Variants in RRP1B observed in about 807,000 individuals in gnomAD.
RRP1B encodes ribosomal RNA processing 1B.
In RRP1B, 56 loss-of-function variants were observed where a neutral mutation model predicts 80.2. The observed-to-expected ratio is 0.70, with a 90% CI of 0.56 to 0.87. The LOEUF is 0.87. Among genes scored for constraint, RRP1B ranks in the 40% least tolerant of loss-of-function variants. The probability of loss-of-function intolerance (pLI) is 0.00; values close to 1 mark genes in which losing one functional copy is unlikely to be tolerated. For missense variants in RRP1B, 807 were observed against 939.8 expected (o/e 0.86, Z 1.85); for synonymous variants, 351 against 357.6 (o/e 0.98, Z 0.21).
In RRP1B at chr21:43,659,659, G is replaced by A. The variant is rs1044564728; in HGVS notation, c.-6G>A. 2 of 1,502,174 alleles carry A rather than the reference G, an allele frequency of 1.3e-6. No homozygotes were observed. The highest frequency in any genetic ancestry group is 1.8e-6 in the Non-Finnish European group (2 of 1,124,712). 93.1% of individuals were successfully genotyped at this position (1,502,174 alleles called of 1,614,324 possible). ...TTGCGCGGCCGGGGATGCTCCAGCGGGCGCGATGGCCCCCGCCATGCAGCC... is the reference window on the plus strand; with the variant it reads ...TTGCGCGGCCGGGGATGCTCCAGCGAGCGCGATGGCCCCCGCCATGCAGCC... On this transcript the variant is annotated 5_prime_UTR_variant, in exon 1 of 16. Coordinates refer to ENST00000340648, the MANE Select transcript of RRP1B (RefSeq NM_015056.3). This position sits in a 1 kb window ranked among gnomAD's most constrained non-coding sequence, Gnocchi z 4.2.
intron 15 of RRP1B, among the ~76,000 whole-genome samples, chr21:43,692,349 C>CCAA (rs2083090323): frequency 6.6e-6 from 1 of 152,014 alleles, no homozygotes; most frequent in Admixed American, 6.6e-5. Context: ...GCCTGTAATC[C>CCAA]CAACACTTTG....
rs1447470482 is a variant in RRP1B, at chr21:43,676,799, G to A, written c.681G>A (p.Val227=). Residue 227 remains valine (V), a synonymous_variant, in exon 8 of 16, where the codon GTG becomes GTA. Transcript: ENST00000340648. ...FEAIVDQSPF[V]PEETMEEQKT... Reference sequence around the variant, plus strand: ...CTATCGTAGATCAGTCTCCTTTTGTGCCTGAAGAGACGATGGAGGAACAGA... The same window carrying A: ...CTATCGTAGATCAGTCTCCTTTTGTACCTGAAGAGACGATGGAGGAACAGA... 5 of 1,614,246 alleles carry A rather than the reference G, an allele frequency of 3.1e-6. No homozygotes were observed. Among genetic ancestry groups the A allele is most frequent in the Non-Finnish European group, 4.2e-6 (5 of 1,180,034 alleles).
intron 8 of RRP1B, among the ~76,000 whole-genome samples, chr21:43,682,069 C>T (rs1195415851): frequency 6.6e-6 from 1 of 152,146 alleles, no homozygotes; most frequent in African/African-American, 2.4e-5. Flanking sequence ...GAGTTTGAGA[C>T]CAGCTTGGGC....
chr21:43,683,168 C>A, intron 8 of RRP1B, 111 bp from the exon 9 acceptor site: 1 of 827,766 alleles, frequency 1.2e-6, no homozygotes, highest in Non-Finnish European at 1.9e-6. Context: ...CCACCGTGCC[C>A]AACCTTCTTT....
chr21:43,670,702 T>G (rs1380928604), intron 2 of RRP1B, among the ~76,000 whole-genome samples: 6 of 152,128 alleles, frequency 3.9e-5, no homozygotes, highest in African/African-American at 1.4e-4. Context: ...CTCTTCACTA[T>G]TACTAGTGTT....
chr21:43,664,327 CAAAAAAA>C (rs11351123), intron 1 of RRP1B, among the ~76,000 whole-genome samples: 1 of 103,366 alleles, frequency 9.7e-6, no homozygotes, highest in Non-Finnish European at 2.0e-5. Flanking sequence ...AACTCCGTCT[CAAAAAAA>C]AAAAAAAAAA....
intron 2 of RRP1B, among the ~76,000 whole-genome samples, chr21:43,671,473 T>C (rs1316755081): frequency 6.6e-6 from 1 of 151,256 alleles, no homozygotes; most frequent in Non-Finnish European, 1.5e-5. Context: ...GCTCAGCTGA[T>C]CCTCCTGCCT....
chr21:43,665,287 A>G (rs1244361198), intron 1 of RRP1B, among the ~76,000 whole-genome samples: 1 of 152,244 alleles, frequency 6.6e-6, no homozygotes, highest in Non-Finnish European at 1.5e-5. Context: ...CACACACACA[A>G]CTGTGCTTTT....
intron 8 of RRP1B, 148 bp downstream of exon 8, chr21:43,677,062 G>A (rs1176103985): frequency 2.5e-6 from 2 of 789,630 alleles, no homozygotes; most frequent in South Asian, 1.8e-5. Context: ...GGCAGCAGAG[G>A]TGGGTTCATT....
intron 3 of RRP1B, 52 bp from the exon 4 acceptor site, chr21:43,673,818 G>C (rs375740648): frequency 1.7e-5 from 19 of 1,088,208 alleles, no homozygotes; most frequent in Non-Finnish European, 2.1e-5. Flanking sequence ...CTTGCTATAT[G>C]GTAGTATGTT....
intron 14 of RRP1B, 124 bp downstream of exon 14, chr21:43,690,564 G>A: frequency 9.2e-7 from 1 of 1,090,212 alleles, no homozygotes; most frequent in Non-Finnish European, 1.3e-6. Flanking sequence ...TGTCCACAGT[G>A]GACAGGTTCC....
Position 43,685,740 on chromosome 21 carries a change from ATTTTTTATTTTTTAT to A in RRP1B, c.990-17_990-3del, listed in dbSNP as rs1568959566. Reference sequence around the variant, plus strand: ...CTTTATGAACATTTGTTATTTTTTTATTTTTTATTTTTTATTTTTTTATTTTTAGATTCCAAGACC... The same window carrying A: ...CTTTATGAACATTTGTTATTTTTTTATTTTTTATTTTTAGATTCCAAGACC... On this transcript the variant is annotated splice_polypyrimidine_tract_variant and intron_variant, in intron 10 of 15. Transcript: ENST00000340648. The A allele has an allele frequency of 2.1e-6, 3 of 1,404,164 alleles. No individual in the cohort carries two copies. Among genetic ancestry groups the A allele is most frequent in the Non-Finnish European group, 2.8e-6 (3 of 1,055,306 alleles). 87.0% of individuals were successfully genotyped at this position (1,404,164 alleles called of 1,614,324 possible). A position where few individuals can be genotyped will look rare whatever the true frequency, so the allele number is the denominator to read the frequency against.
intron 1 of RRP1B, among the ~76,000 whole-genome samples, chr21:43,668,669 C>T (rs2082988056): frequency 6.6e-6 from 1 of 152,054 alleles, no homozygotes; most frequent in Non-Finnish European, 1.5e-5. Flanking sequence ...GCGTCTGGCC[C>T]TTTTTGTCAC....
rs33994751 is a variant in RRP1B at position 43,674,586 on chromosome 21, CTTTTTTTTTTTT to C, written c.358-35_358-24del. On this transcript the variant is annotated intron_variant, in intron 4 of 15. Coordinates refer to ENST00000340648, the MANE Select transcript of RRP1B (RefSeq NM_015056.3). ...AGCTGATTAATATTTCTTACCTTTC[CTTTTTTTTTTTT>C]TTTTTTTTTTTTTTAAACAAAAATT... 1.7e-4 allele frequency: 65 copies of C among 392,706 alleles called. 1 individual carries two copies. The Middle Eastern group carries it at 2.6e-3, about 16-fold the overall frequency. 24.3% of individuals were successfully genotyped at this position (392,706 alleles called of 1,614,324 possible).
rs950778445 is a variant in RRP1B at position 43,695,113 on chromosome 21, C to G, written c.*1730C>G. On this transcript the variant is annotated 3_prime_UTR_variant, in exon 16 of 16. Transcript: ENST00000340648. ...CTGCATTAGATAGGATCCTCACATC[C>G]CATTCAGAACCAAAACTGATACAGT... 6.6e-6 allele frequency: 1 copy of G among 152,180 alleles called. No individual in the cohort carries two copies. The allele number at this position is 152,180 out of a possible 1,614,324, so 9.4% of individuals were successfully genotyped here.
At position 43,695,864 on chromosome 21, in the gene RRP1B, A is replaced by G. The variant is rs2147181758; in HGVS notation, c.*2481A>G. On this transcript the variant is annotated 3_prime_UTR_variant, in exon 16 of 16. Transcript: ENST00000340648. ...TTCTAATTTTTACTGAACTGAAAGC[A>G]CAAAGAAGACTACACAGAAAATCTG... is the stretch of plus-strand genomic sequence containing the variant. 1 of 152,340 alleles carries G rather than the reference A, an allele frequency of 6.6e-6. No homozygotes were observed. Among genetic ancestry groups the G allele is most frequent in the Admixed American group, 6.5e-5 (1 of 15,296 alleles). The allele number at this position is 152,340 out of a possible 1,614,324, so 9.4% of individuals were successfully genotyped here.
intron 12 of RRP1B, 37 bp from the exon 13 acceptor site, chr21:43,687,479 G>A: frequency 1.4e-6 from 2 of 1,464,806 alleles, no homozygotes; most frequent in Non-Finnish European, 1.8e-6. Context: ...GGCCCAGCTG[G>A]CACTGGGTGC....
At chr21:43,665,792 A>C (rs2082976025) in intron 1 of RRP1B, among the ~76,000 whole-genome samples, 1 of 151,776 alleles carries the variant, frequency 6.6e-6, no homozygotes, top group African/African-American at 2.4e-5. Context: ...AAGATGGGAC[A>C]CTCCCTGAGG....
At chr21:43,662,367 T>C (rs923738795) in intron 1 of RRP1B, among the ~76,000 whole-genome samples, 8 of 152,148 alleles carry the variant, frequency 5.3e-5, no homozygotes, top group African/African-American at 1.9e-4. Context: ...AGAAAATAAC[T>C]CCGCAGCATG....
Sources: gnomAD v4.1 joint callset for allele counts (sites outside exome capture counted in the v4.1 genomes callset) on GRCh38, gnomAD v4.1.1 for gene constraint, Gnocchi (gnomAD v3.1) non-coding constraint, MANE v1.5 for transcripts, NCBI Gene and HGNC (gene_info 2026-07-23, HGNC 2026-07-21) for gene names.